The following ECT2 variants were observed in gnomAD, a reference collection of about 807,000 sequenced individuals.
ECT2 encodes the protein epithelial cell transforming 2.
ECT2 carries 61 observed loss-of-function variants against 116.9 expected under a neutral mutation model. That is an observed-to-expected ratio of 0.52 (90% CI 0.42 to 0.65). The LOEUF (loss-of-function observed/expected upper bound fraction) is 0.65. ECT2 is among the 30% of genes least tolerant of loss of function. The pLI, the probability that ECT2 is intolerant of heterozygous loss-of-function variation, is 0.00. For missense variants in ECT2, 937 were observed against 1,078.7 expected, an observed-to-expected ratio of 0.87 and a Z score of 1.84; for synonymous variants, 358 against 346.4, an observed-to-expected ratio of 1.03 and a Z score of -0.37.
chr3:172,793,615 C>T (rs890168081), intron 18 of ECT2, among the ~76,000 whole-genome samples: 4 of 152,088 alleles, frequency 2.6e-5, no homozygotes, highest in African/African-American at 9.7e-5. Flanking sequence ...AGGCACCTGC[C>T]ACCATGCCCA....
chr3:172,813,851 G>A (rs1729210761), intron 22 of ECT2, among the ~76,000 whole-genome samples: 1 of 151,838 alleles, frequency 6.6e-6, no homozygotes, highest in Admixed American at 6.6e-5. Context: ...AAAAATTACA[G>A]CTAATTGAAA....
intron 18 of ECT2, among the ~76,000 whole-genome samples, chr3:172,800,097 T>A (rs1215078864): frequency 6.6e-6 from 1 of 152,220 alleles, no homozygotes; most frequent in Non-Finnish European, 1.5e-5. Flanking sequence ...TTGATTAGCT[T>A]TGCTGTCAGA....
chr3:172,758,233 T>C (rs1380536825), intron 5 of ECT2, among the ~76,000 whole-genome samples: 4 of 152,196 alleles, frequency 2.6e-5, no homozygotes, highest in Non-Finnish European at 4.4e-5. Flanking sequence ...GTTGCTGTCT[T>C]GGCATTCTTA....
chr3:172,776,499 G>A (rs1409027629), intron 14 of ECT2, among the ~76,000 whole-genome samples: 3 of 151,916 alleles, frequency 2.0e-5, no homozygotes, highest in East Asian at 3.9e-4. Context: ...TTTAAATGAA[G>A]CCAACCATCT....
intron 22 of ECT2, among the ~76,000 whole-genome samples, chr3:172,814,809 C>A (rs73880291): frequency 0.061 from 9,345 of 152,184 alleles, 972 homozygotes; most frequent in African/African-American, 0.21. Context: ...TGTGAACCTT[C>A]AAAATCCACT....
intron 22 of ECT2, among the ~76,000 whole-genome samples, chr3:172,808,188 G>A (rs1728115945): frequency 6.6e-6 from 1 of 151,856 alleles, no homozygotes; most frequent in Non-Finnish European, 1.5e-5. Context: ...GAAGATTTTG[G>A]GACTTCTTGT....
chr3:172,783,983 G>A, intron 16 of ECT2, 74 bp downstream of exon 16: 1 of 1,084,878 alleles, frequency 9.2e-7, no homozygotes, highest in Non-Finnish European at 1.3e-6. Context: ...TGACAAAAAT[G>A]AAGTAAATTT....
chr3:172,769,179 CCAGTGTTCCTAAGTAAAAAAAT>C (rs1311911336), intron 13 of ECT2, 36 bp downstream of exon 13: 1 of 1,565,388 alleles, frequency 6.4e-7, no homozygotes, highest in Admixed American at 1.8e-5. Context: ...GATTTCTGTT[CCAGTGTTCCTAAGTAAAAAAAT>C]CTAGGTGATA....
At chr3:172,772,339 C>A (rs536698352) in intron 13 of ECT2, among the ~76,000 whole-genome samples, 1 of 152,070 alleles carries the variant, frequency 6.6e-6, no homozygotes, top group South Asian at 2.1e-4. Flanking sequence ...ACTACAGGCA[C>A]CCGCCACCAC....
intron 7 of ECT2, 78 bp from the exon 8 acceptor site, chr3:172,761,532 T>G: frequency 1.0e-6 from 1 of 966,242 alleles, no homozygotes; most frequent in Non-Finnish European, 1.6e-6. Context: ...TGCAAAAAAT[T>G]AAGTATGTTA....
At chr3:172,763,591 G>T (rs1326059545) in intron 11 of ECT2, among the ~76,000 whole-genome samples, 1 of 152,226 alleles carries the variant, frequency 6.6e-6, no homozygotes, top group African/African-American at 2.4e-5. Flanking sequence ...CATTGAAGAA[G>T]AGTAAGGGGA....
intron 20 of ECT2, among the ~76,000 whole-genome samples, chr3:172,803,442 G>A (rs1727090889): frequency 6.6e-6 from 1 of 152,134 alleles, no homozygotes; most frequent in Admixed American, 6.6e-5. Flanking sequence ...AGGTTTTAGA[G>A]TGAATGAGGG....
At chr3:172,758,844 G>T in intron 5 of ECT2, 136 bp from the exon 6 acceptor site, 3 of 709,742 alleles carry the variant, frequency 4.2e-6, no homozygotes, top group Non-Finnish European at 6.9e-6. Flanking sequence ...GTTGCATATT[G>T]AAAAAATGCC....
chr3:172,814,197 GCTGT>G lies in ECT2; in HGVS notation c.2401-1404_2401-1401del, dbSNP rs78944204. 5.7e-3 allele frequency among the ~76,000 whole-genome samples: 872 copies of G among 152,112 alleles called. 8 individuals are homozygous for G. Among genetic ancestry groups the G allele is most frequent in the Middle Eastern group, 0.024 (7 of 294 alleles). ...TTAGGGAAGCTTTAGAATAACAAAA[GCTGT>G]CTATCTATCAGTGGTGGAGAGCTGA... is the stretch of plus-strand genomic sequence containing the variant. On this transcript the variant is annotated intron_variant, in intron 22 of 24. Transcript: ENST00000392692.
intron 18 of ECT2, among the ~76,000 whole-genome samples, chr3:172,802,111 GT>G (rs1057408007): frequency 4.0e-5 from 6 of 151,830 alleles, no homozygotes; most frequent in Admixed American, 1.3e-4. Flanking sequence ...TTTTGTTTTT[GT>G]TTTTGTTTTT....
intron 5 of ECT2, 41 bp from the exon 6 acceptor site, chr3:172,758,939 C>T: frequency 6.8e-7 from 1 of 1,480,858 alleles, no homozygotes; most frequent in Non-Finnish European, 9.3e-7. Context: ...GTATTTTCTA[C>T]TAAAGAGAAA....
intron 12 of ECT2, among the ~76,000 whole-genome samples, chr3:172,767,549 T>G (rs1719718747): frequency 6.6e-6 from 1 of 152,200 alleles, no homozygotes; most frequent in African/African-American, 2.4e-5. Context: ...ATATTATGGT[T>G]CTTTGTCACC....
At position 172,802,773 on chromosome 3, in the gene ECT2, T is replaced by C. The variant is rs547491312; in HGVS notation, c.1986+79T>C. The C allele has an allele frequency of 5.7e-5, 86 of 1,510,228 alleles. No individual in the cohort carries two copies. The East Asian group carries it at 1.9e-3, about 34-fold the overall frequency. 93.6% of individuals were successfully genotyped at this position (1,510,228 alleles called of 1,614,324 possible). A position where few individuals can be genotyped will look rare whatever the true frequency, so the allele number is the denominator to read the frequency against. On this transcript the variant is annotated intron_variant, in intron 19 of 24. Coordinates refer to ENST00000392692, the MANE Select transcript of ECT2 (RefSeq NM_001258315.2). Reference sequence around the variant, plus strand: ...TTCTGTGGTTTTAATATAAATAATATCTTGGCACTACTTTCTTTTAAATTA... The same window carrying C: ...TTCTGTGGTTTTAATATAAATAATACCTTGGCACTACTTTCTTTTAAATTA...
chr3:172,762,185 T>C (rs1018188424), intron 8 of ECT2, among the ~76,000 whole-genome samples: 1 of 152,182 alleles, frequency 6.6e-6, no homozygotes, highest in Non-Finnish European at 1.5e-5. Context: ...AATTTGAATC[T>C]CTTGTAAAGC....
Sources: allele counts gnomAD v4.1 joint callset (sites outside exome capture counted in the v4.1 genomes callset), GRCh38; gene constraint gnomAD v4.1.1; transcripts MANE v1.5; gene names NCBI Gene and HGNC (gene_info 2026-07-23, HGNC 2026-07-21).